DNAI3: variants seen among roughly 807,000 people sequenced by gnomAD.
The protein encoded by DNAI3 is dynein axonemal intermediate chain 3.
A neutral mutation model predicts 115.5 loss-of-function variants in DNAI3; 83 were observed. That is an observed-to-expected ratio of 0.72 (90% CI 0.60 to 0.86). The LOEUF is 0.86. DNAI3 is among the 40% of genes least tolerant of loss of function. DNAI3 has a pLI of 0.00. For synonymous variants in DNAI3, 320 were observed against 347.0 expected (o/e 0.92, Z 0.86); for missense variants, 1,004 against 1,075.8 (o/e 0.93, Z 0.93).
intron 9 of DNAI3, chr1:85,093,853 T>C: frequency 2.9e-6 from 2 of 690,956 alleles, no homozygotes; most frequent in Non-Finnish European, 5.2e-6. Context: ...TGTCATTATC[T>C]CTGTTTCACA....
chr1:85,132,953 C>T lies in DNAI3; in HGVS notation c.2631C>T (p.Gly877=). Residue 877 remains glycine (G), a synonymous_variant, in exon 23 of 23, where the codon GGC becomes GGT. Coordinates refer to ENST00000294664, the MANE Select transcript of DNAI3 (RefSeq NM_145172.5). The part of the protein sequence containing the change: ...ELEKTVLINL[G]LIKVTEKGSY... ...AAAAGACTGTTCTTATCAACCTTGG[C>T]CTAATCAAAGTCACAGAGAAGGGGT... The T allele has an allele frequency of 4.3e-6, 7 of 1,613,756 alleles. No homozygotes were observed. Among genetic ancestry groups the T allele is most frequent in the Non-Finnish European group, 5.9e-6 (7 of 1,179,876 alleles).
In DNAI3 at chr1:85,110,085, G is replaced by A. The variant is rs1161296452; in HGVS notation, c.1736G>A (p.Cys579Tyr). The A allele has an allele frequency of 6.2e-7, 1 of 1,612,408 alleles. No homozygotes were observed. The highest frequency in any genetic ancestry group is 2.2e-5 in the East Asian group (1 of 44,764). ...AAGGGTGAAACAAGTTTAGACCACT[G>A]TCCAACCAAGATAAGCCTGAATGAA... ...LSKGETSLDH[C>Y]PTKISLNEDH... Residue 579 changes from cysteine to tyrosine, a missense_variant, in exon 16 of 23, where the codon TGT (cysteine) becomes TAT (tyrosine). Cys to Tyr is a radical substitution (Grantham distance 194). Around this residue, in one of 3 missense-constraint regions of DNAI3, gnomAD observed 429 missense variants for 454.3 expected, o/e 0.94. Transcript: ENST00000294664.
chr1:85,072,485 T>C (rs557179809), intron 2 of DNAI3, among the ~76,000 whole-genome samples: 1 of 150,610 alleles, frequency 6.6e-6, no homozygotes, highest in Admixed American at 6.6e-5. Context: ...CTACTAAAAA[T>C]ACACAAATTA....
intron 18 of DNAI3, 106 bp downstream of exon 18, chr1:85,121,920 G>A (rs890517777): frequency 3.3e-6 from 4 of 1,201,806 alleles, no homozygotes; most frequent in Non-Finnish European, 4.9e-6. Context: ...CTAATGGGAG[G>A]GAAGGCTCCT....
intron 14 of DNAI3, among the ~76,000 whole-genome samples, chr1:85,105,664 G>T (rs1158353058): frequency 6.6e-6 from 1 of 152,088 alleles, no homozygotes; most frequent in Non-Finnish European, 1.5e-5. Context: ...CTATATTGTA[G>T]CTAGTAAGTA....
chr1:85,071,916 C>G lies in DNAI3; in HGVS notation c.-14-12C>G. The G allele has an allele frequency of 6.3e-7, 1 of 1,594,654 alleles. No individual in the cohort carries two copies. The highest frequency in any genetic ancestry group is 1.2e-5 in the South Asian group (1 of 86,118). On this transcript the variant is annotated splice_polypyrimidine_tract_variant and intron_variant, in intron 1 of 22. Coordinates refer to ENST00000294664, the MANE Select transcript of DNAI3 (RefSeq NM_145172.5). ...TGTAACAATTTACTAATAATATCAT[C>G]TCTTTATGCAGCCCAAGTCAGAACC...
chr1:85,087,554 C>T (rs1268919818), intron 7 of DNAI3, among the ~76,000 whole-genome samples: 2 of 151,122 alleles, frequency 1.3e-5, no homozygotes, highest in African/African-American at 2.4e-5. Context: ...TTGTGTTTTT[C>T]GTCATCTCTC....
At chr1:85,130,706 TAG>T in intron 22 of DNAI3, among the ~76,000 whole-genome samples, 1 of 112,904 alleles carries the variant, frequency 8.9e-6, no homozygotes, top group Non-Finnish European at 1.9e-5. Context: ...GATAGATAGA[TAG>T]ATAGATAGAT....
At chr1:85,098,326 A>G (rs1318316957) in intron 12 of DNAI3, among the ~76,000 whole-genome samples, 1 of 152,236 alleles carries the variant, frequency 6.6e-6, no homozygotes, top group African/African-American at 2.4e-5. Flanking sequence ...TGTTAAGTTT[A>G]GAGAAATAGT....
chr1:85,112,369 A>C (rs1490698197), intron 16 of DNAI3, among the ~76,000 whole-genome samples: 1 of 152,226 alleles, frequency 6.6e-6, no homozygotes, highest in Non-Finnish European at 1.5e-5. Flanking sequence ...TTTAGCGTAG[A>C]CCTATTACAA....
chr1:85,100,569 TC>T (rs1655267375), intron 13 of DNAI3, among the ~76,000 whole-genome samples: 2 of 152,190 alleles, frequency 1.3e-5, no homozygotes, highest in Non-Finnish European at 1.5e-5. Flanking sequence ...GTGTGGCGAT[TC>T]CTCAAGGATC....
At chr1:85,090,284 TACA>T in intron 8 of DNAI3, 52 bp downstream of exon 8, 4 of 1,061,814 alleles carry the variant, frequency 3.8e-6, no homozygotes, top group Non-Finnish European at 4.0e-6. Flanking sequence ...TGTATATGTT[TACA>T]TAGAATAACA....
chr1:85,116,337 G>A (rs1655815620), intron 16 of DNAI3, among the ~76,000 whole-genome samples: 1 of 152,180 alleles, frequency 6.6e-6, no homozygotes, highest in African/African-American at 2.4e-5. Flanking sequence ...AGTTAATCAT[G>A]TTTTCCTTTA....
intron 8 of DNAI3, among the ~76,000 whole-genome samples, chr1:85,091,374 G>T (rs536201269): frequency 1.5e-4 from 23 of 152,112 alleles, no homozygotes; most frequent in Non-Finnish European, 3.1e-4. Context: ...TGCTTATAAA[G>T]AAAAGAATAG....
At chr1:85,086,842 A>G (rs1210228671) in intron 7 of DNAI3, among the ~76,000 whole-genome samples, 1 of 151,932 alleles carries the variant, frequency 6.6e-6, no homozygotes, top group African/African-American at 2.4e-5. Context: ...TGGTAATCCT[A>G]TTAAAATGCA....
intron 16 of DNAI3, among the ~76,000 whole-genome samples, chr1:85,110,467 A>AAATAAATAAATAAAT (rs1655624913): frequency 6.6e-6 from 1 of 150,666 alleles, no homozygotes; most frequent in Admixed American, 6.6e-5. Flanking sequence ...ATAAATAAAT[A>AAATAAATAAATAAAT]AATAAATAAA....
intron 22 of DNAI3, 42 bp downstream of exon 22, chr1:85,130,154 C>A (rs752572447): frequency 1.9e-6 from 3 of 1,609,882 alleles, no homozygotes; most frequent in East Asian, 2.2e-5. Flanking sequence ...TCCTCGAACA[C>A]CAGTGGAAAT....
chr1:85,130,269 C>T lies in DNAI3; in HGVS notation c.2532+157C>T, dbSNP rs116562379. 1.1e-3 allele frequency: 1,192 copies of T among 1,071,920 alleles called. 13 individuals are homozygous for T. In the African/African-American group the frequency reaches 0.016, roughly 15 times the overall value. 66.4% of individuals were successfully genotyped at this position (1,071,920 alleles called of 1,614,324 possible). On this transcript the variant is annotated intron_variant, in intron 22 of 22. Coordinates refer to ENST00000294664, the MANE Select transcript of DNAI3 (RefSeq NM_145172.5). ...AGAGGGCATTCCTTTGATTTCCTAGCTCACTGCCAGTTAGACACGTAGTGA... is the reference window on the plus strand; with the variant it reads ...AGAGGGCATTCCTTTGATTTCCTAGTTCACTGCCAGTTAGACACGTAGTGA...
At chr1:85,100,368 G>C (rs1247060299) in intron 13 of DNAI3, among the ~76,000 whole-genome samples, 3 of 152,110 alleles carry the variant, frequency 2.0e-5, no homozygotes, top group Non-Finnish European at 2.9e-5. Flanking sequence ...AAACACATGA[G>C]AAAATGCTCA....
Sources: allele counts gnomAD v4.1 joint callset (sites outside exome capture counted in the v4.1 genomes callset), GRCh38; gene constraint gnomAD v4.1.1; regional missense constraint gnomAD v4.1.1; transcripts MANE v1.5; gene names NCBI Gene and HGNC (gene_info 2026-07-23, HGNC 2026-07-21).